ANO1: variants seen among roughly 807,000 people sequenced by gnomAD.
The protein encoded by ANO1 is anoctamin 1.
ANO1 carries 59 observed loss-of-function variants against 124.0 expected under a neutral mutation model. The observed-to-expected ratio is 0.48, with a 90% CI of 0.39 to 0.59. The LOEUF is 0.59. Ranked by LOEUF, ANO1 falls within the 20% of genes least tolerant of loss-of-function variation. ANO1 has a pLI of 0.00. For synonymous variants in ANO1, 529 were observed against 532.0 expected (o/e 0.99, Z 0.08); for missense variants, 1,059 against 1,328.0 (o/e 0.80, Z 3.15).
chr11:70,186,327 G>C (rs1450869319), intron 25 of ANO1, among the ~76,000 whole-genome samples: 1 of 144,324 alleles, frequency 6.9e-6, no homozygotes, highest in African/African-American at 2.7e-5. Flanking sequence ...AGGAGAGGAG[G>C]AGGAGGAGGA....
intron 19 of ANO1, 166 bp from the exon 20 acceptor site, chr11:70,165,304 C>A (rs889099172): frequency 3.2e-6 from 2 of 632,658 alleles, no homozygotes; most frequent in African/African-American, 3.7e-5. Flanking sequence ...TGCAAAGACC[C>A]TTTTTGCAAA....
In ANO1 at chr11:70,058,488, G is replaced by A. The variant is rs533064105; in HGVS notation, c.59-20054G>A. Among the ~76,000 whole-genome samples, 11 of 152,296 alleles carry A rather than the reference G, an allele frequency of 7.2e-5. No individual in the cohort carries two copies. The South Asian group carries it at 8.3e-4, about 11-fold the overall frequency. On this transcript the variant is annotated intron_variant, in intron 1 of 27. Coordinates refer to the ANO1 transcript ENST00000531349. ...TTAATAAAGTTTGTGATATGTCTGC[G>A]ATGCTAGCAGAGAAGTTATTAGAGA...
chr11:70,161,715 TG>T lies in ANO1; in HGVS notation c.1876del (p.Ala626ArgfsTer32). On this transcript the variant is annotated frameshift_variant, in exon 18 of 26. Coordinates refer to ENST00000355303, the MANE Select transcript of ANO1 (RefSeq NM_018043.7). LOFTEE classifies it high-confidence loss of function. The part of the protein sequence containing the change: ...FVNSYTPIFY[V>X]AFFKGRFVGR... Reference sequence around the variant, plus strand: ...AATTCCTACACCCCCATCTTTTACGTGGCGTTCTTCAAAGGCCGGTAGGGAC... The same window carrying T: ...AATTCCTACACCCCCATCTTTTACGTGCGTTCTTCAAAGGCCGGTAGGGAC... 1 of 1,614,022 alleles carries T rather than the reference TG, an allele frequency of 6.2e-7. No individual in the cohort carries two copies. The highest frequency in any genetic ancestry group is 8.5e-7 in the Non-Finnish European group (1 of 1,179,880).
intron 8 of ANO1, among the ~76,000 whole-genome samples, chr11:70,120,183 G>A (rs2046200787): frequency 2.6e-5 from 4 of 152,158 alleles, no homozygotes; most frequent in Admixed American, 6.5e-5. Flanking sequence ...TGAGCTGGAG[G>A]GTGGGCAGAA....
intron 2 of ANO1, among the ~76,000 whole-genome samples, chr11:70,102,841 G>A (rs117783271): frequency 0.02 from 3,002 of 152,210 alleles, 55 homozygotes; most frequent in Non-Finnish European, 0.03. Context: ...AAAGTTTCCC[G>A]TATGACCTGG....
rs535095913 is a variant in ANO1, at chr11:70,082,366, C to T, written c.108+3652C>T. ...CTAAGGTCAAGAGTTCAAGACCAGC[C>T]TGGCCAACATAGTGAAACCCAAGTC... On this transcript the variant is annotated intron_variant, in intron 1 of 25. Transcript: ENST00000355303. 1.1e-4 allele frequency among the ~76,000 whole-genome samples: 16 copies of T among 152,294 alleles called. No individual in the cohort carries two copies. In the South Asian group the frequency reaches 3.3e-3, roughly 32 times the overall value.
At chr11:70,116,948 G>A (rs1054900388) in intron 8 of ANO1, among the ~76,000 whole-genome samples, 11 of 152,172 alleles carry the variant, frequency 7.2e-5, no homozygotes, top group Admixed American at 5.9e-4. Context: ...GCAGCGCATT[G>A]GGGAAACCTG....
intron 1 of ANO1, among the ~76,000 whole-genome samples, chr11:70,082,449 A>G (rs1206922979): frequency 1.3e-5 from 2 of 152,206 alleles, no homozygotes; most frequent in Non-Finnish European, 2.9e-5. Context: ...AATCCCAGCT[A>G]CTTGGGAGGC....
chr11:69,991,893 T>C (rs1856162787), intron 1 of ANO1, among the ~76,000 whole-genome samples: 1 of 152,214 alleles, frequency 6.6e-6, no homozygotes, highest in East Asian at 1.9e-4. Flanking sequence ...AAGCTCTGTG[T>C]GCCAATAGTG....
rs2046497450 is a variant in ANO1, at chr11:70,126,036, ACTCTG to A, written c.963-16_963-12del. 6.3e-7 allele frequency: 1 copy of A among 1,593,284 alleles called. No homozygotes were observed. The highest frequency in any genetic ancestry group is 8.6e-7 in the Non-Finnish European group (1 of 1,168,712). ...CTAGTATTGAATGACAGTGGGCTTG[ACTCTG>A]CTCTGCTCCCCTGGTGTAGGAAGTA... On this transcript the variant is annotated intron_variant, in intron 9 of 25. Transcript: ENST00000355303.
In ANO1 at chr11:70,139,195, C is replaced by T. The variant is rs529387878; in HGVS notation, c.1258+7116C>T. 7.2e-5 allele frequency among the ~76,000 whole-genome samples: 11 copies of T among 152,228 alleles called. No homozygotes were observed. In the East Asian group the frequency reaches 1.7e-3, roughly 24 times the overall value. ...TTTTATCTTGAGACAGAGTGTCTGT[C>T]GCCCAGGCTGGAGTGCAGTGGCACA... On this transcript the variant is annotated intron_variant, in intron 11 of 25. Transcript: ENST00000355303.
At chr11:70,075,608 A>G (rs1555009925), upstream of ANO1, 2 of 152,198 alleles carry the variant, frequency 1.3e-5, no homozygotes, top group Admixed American at 1.3e-4. Context: ...CACCATCTAG[A>G]CGAATTAGAC....
intron 9 of ANO1, 74 bp downstream of exon 9, chr11:70,124,488 C>T (rs1241908749): frequency 6.8e-7 from 1 of 1,476,362 alleles, no homozygotes; most frequent in African/African-American, 1.4e-5. Flanking sequence ...CTGTGGGTTT[C>T]AACCGCTCTG....
intron 1 of ANO1, among the ~76,000 whole-genome samples, chr11:70,011,120 CT>C (rs1856592369): frequency 6.6e-6 from 1 of 152,198 alleles, no homozygotes; most frequent in South Asian, 2.1e-4. Context: ...GTGACCTTTA[CT>C]CTCACAACAT....
At chr11:70,018,548 CAG>C (rs1555002267) in intron 1 of ANO1, among the ~76,000 whole-genome samples, 1 of 152,116 alleles carries the variant, frequency 6.6e-6, no homozygotes, top group Non-Finnish European at 1.5e-5. Flanking sequence ...CTGTGCCTGA[CAG>C]TGTTTGGGAC....
chr11:70,038,293 C>T (rs1314089950), intron 1 of ANO1, among the ~76,000 whole-genome samples: 1 of 152,172 alleles, frequency 6.6e-6, no homozygotes, highest in Admixed American at 6.5e-5. Context: ...TGTTCTCTTT[C>T]CCCTTTGCCT....
At chr11:70,072,065 G>C (rs1857884953) in intron 1 of ANO1, among the ~76,000 whole-genome samples, 1 of 152,186 alleles carries the variant, frequency 6.6e-6, no homozygotes, top group Non-Finnish European at 1.5e-5. Flanking sequence ...ACTCCGCAGG[G>C]CCCAGTAACG....
At chr11:70,120,226 T>C (rs1390985731) in intron 8 of ANO1, among the ~76,000 whole-genome samples, 1 of 151,782 alleles carries the variant, frequency 6.6e-6, no homozygotes, top group East Asian at 1.9e-4. Context: ...AGGAGGCAGG[T>C]CTGGGCAGGG....
At chr11:69,997,026 T>A (rs797024288) in intron 1 of ANO1, among the ~76,000 whole-genome samples, 53 of 151,868 alleles carry the variant, frequency 3.5e-4, no homozygotes, top group African/African-American at 1.2e-3. Flanking sequence ...TGGGGTCACC[T>A]CCTGCAACTC....
Sources: gnomAD v4.1 joint callset for allele counts (sites outside exome capture counted in the v4.1 genomes callset) on GRCh38, gnomAD v4.1.1 for gene constraint, MANE v1.5 for transcripts, NCBI Gene and HGNC (gene_info 2026-07-23, HGNC 2026-07-21) for gene names.